The following EP300 variants were observed in gnomAD, a reference collection of about 807,000 sequenced individuals.
The protein encoded by EP300 is histone acetyltransferase p300.
Under a neutral mutation model 264.0 loss-of-function variants are expected in EP300, and 31 were observed. The observed-to-expected ratio is 0.12, with a 90% CI of 0.09 to 0.16. The LOEUF is 0.16. EP300 is among the 10% of genes least tolerant of loss of function. The pLI is 1.00. For missense variants in EP300, 2,766 were observed against 3,052.9 expected (o/e 0.91, Z 2.21); for synonymous variants, 1,340 against 1,045.4 (o/e 1.28, Z -5.44).
chr22:41,160,753 A>T, intron 20 of EP300, 31 bp downstream of exon 20: 1 of 1,593,018 alleles, frequency 6.3e-7, no homozygotes, highest in Non-Finnish European at 8.6e-7. Flanking sequence ...GAAAAGTGCT[A>T]ATTAGTTTGT....
chr22:41,125,428 G>T (rs112351343), intron 2 of EP300, among the ~76,000 whole-genome samples: 17,817 of 148,200 alleles, frequency 0.12, 1,250 homozygotes, highest in Non-Finnish European at 0.17. Context: ...GTTTTTTGGG[G>T]TTTTTTTTTT....
At chr22:41,120,906 G>C (rs1458069835) in intron 2 of EP300, among the ~76,000 whole-genome samples, 3 of 152,114 alleles carry the variant, frequency 2.0e-5, no homozygotes, top group African/African-American at 7.2e-5. Flanking sequence ...GTTGAGACAG[G>C]GTCTCACTAT....
intron 26 of EP300, 67 bp downstream of exon 26, chr22:41,169,683 A>C: frequency 1.1e-6 from 1 of 889,216 alleles, no homozygotes; most frequent in South Asian, 1.3e-5. Context: ...ATATAGGTTA[A>C]ATATGCAAAT....
intron 7 of EP300, among the ~76,000 whole-genome samples, chr22:41,136,972 A>AT (rs749693893): frequency 6.6e-6 from 1 of 152,178 alleles, no homozygotes; most frequent in Non-Finnish European, 1.5e-5. Context: ...AGGCAGGAGA[A>AT]TCGCTTGAAC....
At chr22:41,095,756 C>T (rs1484353686) in intron 1 of EP300, among the ~76,000 whole-genome samples, 1 of 151,944 alleles carries the variant, frequency 6.6e-6, no homozygotes, top group African/African-American at 2.4e-5. Context: ...GAAATTCTAG[C>T]ACCTAAAACT....
intron 10 of EP300, 148 bp from the exon 11 acceptor site, chr22:41,146,591 C>T (rs988679361): frequency 5.6e-6 from 4 of 708,850 alleles, no homozygotes; most frequent in Non-Finnish European, 9.8e-6. Context: ...CTTCAAGCTT[C>T]TGTCTAGTTC....
At chr22:41,137,230 G>A (rs1309346085) in intron 7 of EP300, among the ~76,000 whole-genome samples, 1 of 147,090 alleles carries the variant, frequency 6.8e-6, no homozygotes, top group Admixed American at 6.8e-5. Flanking sequence ...GGTGGCGGGT[G>A]CCTGTAATCC....
At chr22:41,139,351 C>T (rs753265091) in intron 8 of EP300, among the ~76,000 whole-genome samples, 8 of 152,208 alleles carry the variant, frequency 5.3e-5, no homozygotes, top group Non-Finnish European at 1.2e-4. Context: ...AATAACCGAT[C>T]TCTTATTTTG....
chr22:41,161,065 A>G (rs556761959), intron 20 of EP300, among the ~76,000 whole-genome samples: 3 of 152,338 alleles, frequency 2.0e-5, no homozygotes, highest in Non-Finnish European at 2.9e-5. Flanking sequence ...ATAGGAAGCA[A>G]TCAGCTTCTC....
At chr22:41,171,651 CCT>C (rs2059171431) in intron 27 of EP300, among the ~76,000 whole-genome samples, 1 of 150,506 alleles carries the variant, frequency 6.6e-6, no homozygotes, top group Non-Finnish European at 1.5e-5. Flanking sequence ...ATATATTCTC[CCT>C]TTTTTTTTTT....
At chr22:41,159,157 C>T (rs1441894275) in intron 19 of EP300, 2 of 152,890 alleles carry the variant, frequency 1.3e-5, no homozygotes, top group Non-Finnish European at 2.9e-5. Context: ...CAATTTGTCT[C>T]CTGTTTTCAG....
chr22:41,108,466 C>G (rs1363538520), intron 1 of EP300, among the ~76,000 whole-genome samples: 1 of 151,960 alleles, frequency 6.6e-6, no homozygotes, highest in Non-Finnish European at 1.5e-5. Flanking sequence ...CCAGGCTGGC[C>G]TTGAACTCCT....
chr22:41,101,179 A>G (rs956935685), intron 1 of EP300, among the ~76,000 whole-genome samples: 1 of 152,020 alleles, frequency 6.6e-6, no homozygotes, highest in Admixed American at 6.6e-5. Flanking sequence ...GGTTCAAGCT[A>G]TTCTCCTGCC....
At chr22:41,114,367 C>T (rs2058810148) in intron 1 of EP300, among the ~76,000 whole-genome samples, 1 of 152,068 alleles carries the variant, frequency 6.6e-6, no homozygotes, top group Non-Finnish European at 1.5e-5. Context: ...TTTTTTTGTG[C>T]AGTTTGGTTT....
In EP300 at chr22:41,177,619, C is replaced by T. The variant is rs1437362111; in HGVS notation, c.5908C>T (p.Pro1970Ser). Residue 1970 changes from proline (P) to serine (S), a missense_variant, in exon 31 of 31, where the codon CCT becomes TCT. Coordinates refer to ENST00000263253, the MANE Select transcript of EP300 (RefSeq NM_001429.4). The part of the protein sequence containing the change: ...TPMAPMGMNP[P>S]PMTRGPSGHL... The stretch of plus-strand genomic sequence containing the variant: ...CATGGCCCCCATGGGTATGAACCCA[C>T]CTCCCATGACCAGAGGTCCCAGTGG... The T allele has an allele frequency of 3.1e-6, 5 of 1,614,036 alleles. No homozygotes were observed. The highest frequency in any genetic ancestry group is 2.7e-5 in the African/African-American group (2 of 74,912).
At chr22:41,118,683 C>CA (rs2058834631) in intron 2 of EP300, among the ~76,000 whole-genome samples, 1 of 152,124 alleles carries the variant, frequency 6.6e-6, no homozygotes, top group Non-Finnish European at 1.5e-5. Context: ...ATCTTGGGTG[C>CA]AGTGGCTCAT....
At chr22:41,158,794 G>C in intron 19 of EP300, 1 of 399,684 alleles carries the variant, frequency 2.5e-6, no homozygotes, top group South Asian at 2.5e-5. Context: ...TCTTTCTACT[G>C]TGTGTTTGTT....
intron 25 of EP300, 47 bp from the exon 26 acceptor site, chr22:41,169,456 G>A (rs377459468): frequency 9.9e-6 from 12 of 1,215,742 alleles, no homozygotes; most frequent in African/African-American, 3.0e-5. Flanking sequence ...AACTCATTAT[G>A]TGACCTGACT....
intron 8 of EP300, among the ~76,000 whole-genome samples, chr22:41,138,894 T>A (rs925024983): frequency 1.3e-5 from 2 of 152,300 alleles, no homozygotes; most frequent in African/African-American, 4.8e-5. Flanking sequence ...TTTAGGAATT[T>A]TTTTTTCCTC....
Sources: allele counts gnomAD v4.1 joint callset (sites outside exome capture counted in the v4.1 genomes callset), GRCh38; gene constraint gnomAD v4.1.1; transcripts MANE v1.5; gene names NCBI Gene and HGNC (gene_info 2026-07-23, HGNC 2026-07-21).